The following REEP3 variants were observed in gnomAD, a reference collection of about 807,000 sequenced individuals.
REEP3 encodes receptor accessory protein 3.
A neutral mutation model predicts 41.3 loss-of-function variants in REEP3; 20 were observed. The ratio of observed to expected loss-of-function variants is 0.48; its 90% CI spans 0.34 to 0.70. REEP3 has a LOEUF of 0.70. Among genes scored for constraint, REEP3 ranks in the 30% least tolerant of loss-of-function variants. REEP3 has a pLI of 0.01. For missense variants in REEP3, 271 were observed against 308.8 expected (o/e 0.88, Z 0.92); for synonymous variants, 104 against 101.8 (o/e 1.02, Z -0.13).
At chr10:63,553,826 C>T (rs929073358) in intron 1 of REEP3, among the ~76,000 whole-genome samples, 2 of 152,030 alleles carry the variant, frequency 1.3e-5, no homozygotes, top group Non-Finnish European at 2.9e-5. Flanking sequence ...TGGCCGGGGG[C>T]GGTGGCTCAC....
chr10:63,560,553 C>T (rs957294147), intron 1 of REEP3, among the ~76,000 whole-genome samples: 1 of 152,150 alleles, frequency 6.6e-6, no homozygotes, highest in African/African-American at 2.4e-5. Flanking sequence ...ACATAGCCAG[C>T]GTTCGTACAT....
At chr10:63,615,808 G>A (rs1956307788) in intron 6 of REEP3, among the ~76,000 whole-genome samples, 1 of 151,802 alleles carries the variant, frequency 6.6e-6, no homozygotes, top group Non-Finnish European at 1.5e-5. Context: ...GCCTCCCAAA[G>A]TGCTGGGATT....
At chr10:63,577,662 G>A (rs1336554224) in intron 2 of REEP3, among the ~76,000 whole-genome samples, 5 of 149,256 alleles carry the variant, frequency 3.3e-5, no homozygotes, top group East Asian at 2.0e-4. Flanking sequence ...TTGAGCTCCC[G>A]GGTCCAAGCT....
chr10:63,608,724 A>C (rs183601203), intron 5 of REEP3, among the ~76,000 whole-genome samples: 1 of 152,232 alleles, frequency 6.6e-6, no homozygotes, highest in Admixed American at 6.5e-5. Flanking sequence ...GCTTTTACAA[A>C]GCTTTATACT....
At chr10:63,523,557 A>C (rs559575863) in intron 1 of REEP3, among the ~76,000 whole-genome samples, 49 of 152,262 alleles carry the variant, frequency 3.2e-4, no homozygotes, top group African/African-American at 1.0e-3. Flanking sequence ...GATCGCTCAA[A>C]TTCAGGAGGT....
At chr10:63,533,153 A>G (rs964015234) in intron 1 of REEP3, among the ~76,000 whole-genome samples, 3 of 152,206 alleles carry the variant, frequency 2.0e-5, no homozygotes, top group African/African-American at 7.2e-5. Flanking sequence ...GTAGAACCCT[A>G]GTTGAAGATC....
intron 6 of REEP3, among the ~76,000 whole-genome samples, chr10:63,617,786 C>T (rs1459119818): frequency 7.5e-6 from 1 of 133,712 alleles, no homozygotes; most frequent in African/African-American, 2.8e-5. Flanking sequence ...CCCGTGCCTT[C>T]TCCTAAGCCT....
chr10:63,584,741 ATC>A (rs1955988955), intron 2 of REEP3, among the ~76,000 whole-genome samples: 1 of 152,194 alleles, frequency 6.6e-6, no homozygotes, highest in South Asian at 2.1e-4. Context: ...GTATCAGAGG[ATC>A]TCTCTGTTGT....
At chr10:63,596,112 G>GA (rs1370489794) in intron 3 of REEP3, among the ~76,000 whole-genome samples, 2 of 151,750 alleles carry the variant, frequency 1.3e-5, no homozygotes, top group South Asian at 2.1e-4. Context: ...GGATTTGCAA[G>GA]AAAAAAAATA....
At chr10:63,538,594 T>C (rs938239292) in intron 1 of REEP3, among the ~76,000 whole-genome samples, 3 of 151,962 alleles carry the variant, frequency 2.0e-5, no homozygotes, top group African/African-American at 7.3e-5. Context: ...ATTAGCTGGA[T>C]GTGGTGGCAC....
chr10:63,588,526 G>T (rs747599056), intron 2 of REEP3, among the ~76,000 whole-genome samples: 1 of 151,882 alleles, frequency 6.6e-6, no homozygotes, highest in African/African-American at 2.4e-5. Flanking sequence ...GCCTTTTGCA[G>T]TTCTTACCAA....
At chr10:63,611,124 G>C (rs1956274270) in intron 6 of REEP3, among the ~76,000 whole-genome samples, 1 of 152,130 alleles carries the variant, frequency 6.6e-6, no homozygotes, top group African/African-American at 2.4e-5. Flanking sequence ...AGATCATCTA[G>C]CTAACAAAGT....
chr10:63,563,122 C>G, intron 1 of REEP3: 1 of 404,888 alleles, frequency 2.5e-6, no homozygotes, highest in Non-Finnish European at 4.9e-6. Context: ...TGGTCTTGGG[C>G]TTCTAGCCTC....
intron 2 of REEP3, among the ~76,000 whole-genome samples, chr10:63,587,164 C>T (rs534169026): frequency 6.6e-6 from 1 of 152,186 alleles, no homozygotes; most frequent in Non-Finnish European, 1.5e-5. Flanking sequence ...TTCACACAGA[C>T]TTCACACTTG....
chr10:63,590,963 C>T (rs1449377889), intron 2 of REEP3, among the ~76,000 whole-genome samples: 1 of 152,110 alleles, frequency 6.6e-6, no homozygotes, highest in Non-Finnish European at 1.5e-5. Context: ...ATTTTAACAG[C>T]AATTCTTTAT....
intron 2 of REEP3, among the ~76,000 whole-genome samples, chr10:63,587,178 A>G (rs894729429): frequency 4.6e-5 from 7 of 152,210 alleles, no homozygotes; most frequent in Non-Finnish European, 8.8e-5. Context: ...ACACTTGCCA[A>G]GGGATCACAA....
chr10:63,622,005 T>C lies in REEP3; in HGVS notation c.*1136T>C, dbSNP rs1211858971. ...AGAAATTATTAGAAACATATTACTT[T>C]TTAACTTTAAATCTCAAAGAGATTT... On this transcript the variant is annotated 3_prime_UTR_variant, in exon 8 of 8. Coordinates refer to ENST00000373758, the MANE Select transcript of REEP3 (RefSeq NM_001001330.3). 1 of 152,252 alleles carries C rather than the reference T, an allele frequency of 6.6e-6. No individual in the cohort carries two copies. Among genetic ancestry groups the C allele is most frequent in the Non-Finnish European group, 1.5e-5 (1 of 68,040 alleles). The allele number at this position is 152,252 out of a possible 1,614,324, so 9.4% of individuals were successfully genotyped here. A position where few individuals can be genotyped will look rare whatever the true frequency, so the allele number is the denominator to read the frequency against.
intron 1 of REEP3, among the ~76,000 whole-genome samples, chr10:63,533,005 TAAAG>T (rs1344606245): frequency 1.3e-5 from 2 of 152,220 alleles, no homozygotes; most frequent in Non-Finnish European, 2.9e-5. Context: ...AATCCAAGGT[TAAAG>T]GTAGGTCTTA....
At chr10:63,553,800 T>C (rs1955651273) in intron 1 of REEP3, among the ~76,000 whole-genome samples, 1 of 152,154 alleles carries the variant, frequency 6.6e-6, no homozygotes, top group African/African-American at 2.4e-5. Flanking sequence ...CACCAGAAGC[T>C]TTTTAAAACT....
Sources: allele counts gnomAD v4.1 joint callset (sites outside exome capture counted in the v4.1 genomes callset), GRCh38; gene constraint gnomAD v4.1.1; transcripts MANE v1.5; gene names NCBI Gene and HGNC (gene_info 2026-07-23, HGNC 2026-07-21).